Variants in CCDC50 observed in about 807,000 individuals in gnomAD.
CCDC50 encodes the protein coiled-coil domain-containing protein 50.
A neutral mutation model predicts 70.2 loss-of-function variants in CCDC50; 54 were observed. The observed-to-expected ratio is 0.77, with a 90% confidence interval of 0.62 to 0.96. The LOEUF is 0.96. Ranked by LOEUF, CCDC50 falls within the 50% of genes least tolerant of loss-of-function variation. The probability of loss-of-function intolerance (pLI) is 0.00; values close to 1 mark genes in which losing one functional copy is unlikely to be tolerated. For missense variants in CCDC50, 558 were observed against 578.7 expected, an observed-to-expected ratio of 0.96 and a Z score of 0.37; for synonymous variants, 216 against 198.8, an observed-to-expected ratio of 1.09 and a Z score of -0.73.
intron 1 of CCDC50, among the ~76,000 whole-genome samples, chr3:191,352,678 A>C (rs1466252309): frequency 7.0e-6 from 1 of 142,316 alleles, no homozygotes; most frequent in Non-Finnish European, 1.6e-5. Flanking sequence ...GGAAACCAAA[A>C]AATCGTGTGA....
intron 3 of CCDC50, among the ~76,000 whole-genome samples, chr3:191,359,297 G>A (rs1280155417): frequency 6.8e-6 from 1 of 147,566 alleles, no homozygotes; most frequent in Non-Finnish European, 1.5e-5. Context: ...ATGCATAAGG[G>A]CAGGAGGTAA....
intron 1 of CCDC50, 143 bp downstream of exon 1, chr3:191,329,866 A>G: frequency 1.6e-6 from 1 of 612,958 alleles, no homozygotes; most frequent in Non-Finnish European, 2.5e-6. Context: ...CGTGAAAGGA[A>G]TTGAATTCAG....
chr3:191,341,803 A>AC (rs755445208), intron 1 of CCDC50, among the ~76,000 whole-genome samples: 1 of 152,022 alleles, frequency 6.6e-6, no homozygotes, highest in Non-Finnish European at 1.5e-5. Flanking sequence ...TCTATGTGTA[A>AC]CTCCCTGTTA....
intron 4 of CCDC50, among the ~76,000 whole-genome samples, chr3:191,367,593 T>A (rs1212099959): frequency 6.6e-6 from 1 of 152,182 alleles, no homozygotes; most frequent in Non-Finnish European, 1.5e-5. Context: ...ATGGAAAGTC[T>A]GAACTAATCA....
At chr3:191,331,469 T>G (rs1717982020) in intron 1 of CCDC50, among the ~76,000 whole-genome samples, 1 of 152,236 alleles carries the variant, frequency 6.6e-6, no homozygotes, top group East Asian at 1.9e-4. Context: ...TCTAATACAT[T>G]TAAATTAGCT....
intron 5 of CCDC50, among the ~76,000 whole-genome samples, chr3:191,373,336 T>G (rs117339288): frequency 6.6e-6 from 1 of 152,256 alleles, no homozygotes; most frequent in East Asian, 1.9e-4. Flanking sequence ...TCTGTAAAAA[T>G]GTAGTAACAG....
At chr3:191,343,187 T>C (rs910925999) in intron 1 of CCDC50, among the ~76,000 whole-genome samples, 7 of 152,136 alleles carry the variant, frequency 4.6e-5, no homozygotes, top group African/African-American at 1.7e-4. Flanking sequence ...CTGGAACCAG[T>C]CCCCCTCACG....
chr3:191,376,587 A>C (rs770893877), intron 6 of CCDC50, among the ~76,000 whole-genome samples: 16 of 152,104 alleles, frequency 1.1e-4, no homozygotes, highest in Non-Finnish European at 1.9e-4. Flanking sequence ...TTTTCCTGTC[A>C]TGTTATTTCT....
chr3:191,367,859 CATT>C (rs1233312751), intron 4 of CCDC50, among the ~76,000 whole-genome samples: 1 of 152,000 alleles, frequency 6.6e-6, no homozygotes, highest in East Asian at 1.9e-4. Flanking sequence ...CTGTAGTAAA[CATT>C]ATAGAAATTT....
chr3:191,375,450 C>T lies in CCDC50; in HGVS notation c.837C>T (p.Ser279=). The T allele has an allele frequency of 6.2e-7, 1 of 1,613,724 alleles. No individual in the cohort carries two copies. Among genetic ancestry groups the T allele is most frequent in the East Asian group, 2.2e-5 (1 of 44,854 alleles). Residue 279 remains serine (S), a synonymous_variant, in exon 6 of 12, where the codon TCC becomes TCT. Coordinates refer to ENST00000392455, the MANE Select transcript of CCDC50 (RefSeq NM_178335.3). ...ACCAAGATCGACTTTCACCCAAGTC[C>T]TCACAAAAAGCAGGGCTTCACTGCA... ...SRHQDRLSPK[S]SQKAGLHCKE...
chr3:191,363,832 A>G (rs1712580126), intron 4 of CCDC50, among the ~76,000 whole-genome samples: 1 of 152,214 alleles, frequency 6.6e-6, no homozygotes, highest in Non-Finnish European at 1.5e-5. Context: ...GAAGATGGCT[A>G]CTGTGCCAAG....
rs12636138 is a variant in CCDC50 at position 191,349,089 on chromosome 3, G to T, written c.50-7999G>T. Among the ~76,000 whole-genome samples the T allele has an allele frequency of 4.9e-3, 689 of 141,344 alleles. 51 individuals carry two copies. In the East Asian group the frequency reaches 0.11, roughly 23 times the overall value. 92.7% of individuals were successfully genotyped at this position (141,344 alleles called of 152,430 possible). A position where few individuals can be genotyped will look rare whatever the true frequency, so the allele number is the denominator to read the frequency against. On this transcript the variant is annotated intron_variant, in intron 1 of 11. Transcript: ENST00000392455. ...GCTCCCTACTTGCCCTGCTGATGGG[G>T]GTGGAGGAGGGGGTTGGTTTTGCTA... is the stretch of plus-strand genomic sequence containing the variant.
chr3:191,329,409 A>G lies in CCDC50; in HGVS notation c.-266A>G. The stretch of plus-strand genomic sequence containing the variant: ...GCCCCGGTCCATTTCCGGGCTCCGG[A>G]TATTTGGTATCGATTGGGGCCGGGG... On this transcript the variant is annotated 5_prime_UTR_variant, in exon 1 of 12. Coordinates refer to ENST00000392455, the MANE Select transcript of CCDC50 (RefSeq NM_178335.3). The G allele has an allele frequency of 2.5e-6, 1 of 399,918 alleles. No homozygotes were observed. Among genetic ancestry groups the G allele is most frequent in the East Asian group, 4.6e-5 (1 of 21,858 alleles). 24.8% of individuals were successfully genotyped at this position (399,918 alleles called of 1,614,324 possible).
At chr3:191,342,328 G>T (rs530322158) in intron 1 of CCDC50, among the ~76,000 whole-genome samples, 1 of 152,070 alleles carries the variant, frequency 6.6e-6, no homozygotes, top group African/African-American at 2.4e-5. Flanking sequence ...AAAGTTGTTG[G>T]GGAATTTTGA....
At chr3:191,379,022 T>G (rs573802228) in intron 6 of CCDC50, among the ~76,000 whole-genome samples, 1 of 152,256 alleles carries the variant, frequency 6.6e-6, no homozygotes, top group Admixed American at 6.5e-5. Context: ...CAGTGTTTAC[T>G]TGTATTTTAT....
rs764061107 is a variant in CCDC50 at position 191,375,424 on chromosome 3, C to T, written c.811C>T (p.His271Tyr). Residue 271 changes from histidine (H) to tyrosine (Y), a missense_variant, in exon 6 of 12, where the codon CAC (histidine) becomes TAC (tyrosine). Transcript: ENST00000392455. ...QTRNWEKQSR[H>Y]QDRLSPKSSQ... ...TCGAAATTGGGAAAAACAGTCTCGACACCAAGATCGACTTTCACCCAAGTC... is the reference window on the plus strand; with the variant it reads ...TCGAAATTGGGAAAAACAGTCTCGATACCAAGATCGACTTTCACCCAAGTC... 6.2e-7 allele frequency: 1 copy of T among 1,613,746 alleles called. No homozygotes were observed. The highest frequency in any genetic ancestry group is 1.1e-5 in the South Asian group (1 of 91,048).
intron 10 of CCDC50, among the ~76,000 whole-genome samples, chr3:191,388,883 G>A (rs1015016041): frequency 4.0e-5 from 6 of 150,556 alleles, no homozygotes; most frequent in Non-Finnish European, 7.4e-5. Flanking sequence ...TCTATGTTAA[G>A]TAATTTTAAT....
chr3:191,357,294 T>C (rs1047239826), intron 2 of CCDC50, 144 bp downstream of exon 2: 1 of 720,128 alleles, frequency 1.4e-6, no homozygotes, highest in African/African-American at 1.8e-5. Flanking sequence ...TTTAGGCAAA[T>C]GATGCCTGGG....
At chr3:191,354,171 A>G (rs1191432462) in intron 1 of CCDC50, among the ~76,000 whole-genome samples, 1 of 152,240 alleles carries the variant, frequency 6.6e-6, no homozygotes, top group African/African-American at 2.4e-5. Flanking sequence ...CACAGGAAAT[A>G]GAAAAACCCA....
Sources: gnomAD v4.1 joint callset for allele counts (sites outside exome capture counted in the v4.1 genomes callset) on GRCh38, gnomAD v4.1.1 for gene constraint, MANE v1.5 for transcripts, NCBI Gene and HGNC (gene_info 2026-07-23, HGNC 2026-07-21) for gene names.